Variants in MAP4K3 observed in about 807,000 individuals in gnomAD.
MAP4K3 encodes mitogen-activated protein kinase kinase kinase kinase 3.
MAP4K3 carries 94 observed loss-of-function variants against 143.5 expected under a neutral mutation model. The observed-to-expected ratio is 0.65, with a 90% confidence interval of 0.55 to 0.78. The LOEUF is 0.78. Ranked by LOEUF, MAP4K3 falls within the 30% of genes least tolerant of loss-of-function variation. The pLI is 0.00. For synonymous variants in MAP4K3, 416 were observed against 347.2 expected, an observed-to-expected ratio of 1.20 and a Z score of -2.20; for missense variants, 1,077 against 1,068.1, an observed-to-expected ratio of 1.01 and a Z score of -0.12.
intron 1 of MAP4K3, among the ~76,000 whole-genome samples, chr2:39,412,053 G>C (rs1014656636): frequency 1.3e-5 from 2 of 152,230 alleles, no homozygotes; most frequent in African/African-American, 4.8e-5. Context: ...AGTGTGTTCT[G>C]TGGAATTGGA....
chr2:39,310,746 G>A (rs891282559), intron 13 of MAP4K3, among the ~76,000 whole-genome samples: 2 of 152,110 alleles, frequency 1.3e-5, no homozygotes, highest in East Asian at 1.9e-4. Context: ...TCACCAGCAT[G>A]TGTTATTTTT....
intron 31 of MAP4K3, among the ~76,000 whole-genome samples, chr2:39,257,796 C>CAAAAAA (rs1285158564): frequency 3.4e-5 from 2 of 59,666 alleles, no homozygotes; most frequent in Non-Finnish European, 7.3e-5. Context: ...CACTCCATCT[C>CAAAAAA]AAAAAAAAAA....
chr2:39,311,877 A>T (rs1186142067), intron 13 of MAP4K3, among the ~76,000 whole-genome samples: 1 of 152,246 alleles, frequency 6.6e-6, no homozygotes, highest in East Asian at 1.9e-4. Flanking sequence ...AGATATACAG[A>T]AAGTGAGAGA....
intron 2 of MAP4K3, among the ~76,000 whole-genome samples, chr2:39,360,379 G>C (rs1051751413): frequency 6.6e-6 from 1 of 152,142 alleles, no homozygotes; most frequent in Non-Finnish European, 1.5e-5. Flanking sequence ...AGTTCCAAAT[G>C]TTCCCACATC....
At chr2:39,251,337 C>G (rs1313269637) in intron 33 of MAP4K3, among the ~76,000 whole-genome samples, 1 of 152,246 alleles carries the variant, frequency 6.6e-6, no homozygotes, top group East Asian at 1.9e-4. Flanking sequence ...ATAAACTCCT[C>G]TACATTCCTA....
chr2:39,315,734 T>G (rs558305170), intron 12 of MAP4K3, among the ~76,000 whole-genome samples: 1 of 152,264 alleles, frequency 6.6e-6, no homozygotes, highest in South Asian at 2.1e-4. Context: ...TCAAGTACAC[T>G]TGAGTATCCT....
At chr2:39,399,363 T>C (rs1184782910) in intron 1 of MAP4K3, among the ~76,000 whole-genome samples, 3 of 152,190 alleles carry the variant, frequency 2.0e-5, no homozygotes, top group Non-Finnish European at 4.4e-5. Flanking sequence ...ATGCTAAAAC[T>C]GGTAGGCTTA....
At chr2:39,340,578 C>G (rs140920156) in intron 4 of MAP4K3, among the ~76,000 whole-genome samples, 55 of 152,204 alleles carry the variant, frequency 3.6e-4, no homozygotes, top group African/African-American at 1.2e-3. Context: ...ATTTCTGTAA[C>G]GAAACTGGTC....
intron 1 of MAP4K3, among the ~76,000 whole-genome samples, chr2:39,395,989 TA>T (rs1666794271): frequency 6.6e-6 from 1 of 152,150 alleles, no homozygotes; most frequent in Non-Finnish European, 1.5e-5. Flanking sequence ...AATATTAAAA[TA>T]TCAGGAAAAG....
At chr2:39,267,297 T>C in intron 26 of MAP4K3, 50 bp from the exon 27 acceptor site, 1 of 1,405,572 alleles carries the variant, frequency 7.1e-7, no homozygotes, top group Non-Finnish European at 1.0e-6. Context: ...AAACTTAGTA[T>C]ATGAAAAAGC....
intron 24 of MAP4K3, among the ~76,000 whole-genome samples, chr2:39,274,517 A>G (rs1345914734): frequency 6.6e-6 from 1 of 152,030 alleles, no homozygotes; most frequent in Non-Finnish European, 1.5e-5. Flanking sequence ...ATCGCGCCTG[A>G]CCCTGAATTT....
At chr2:39,356,077 G>A (rs545702285) in intron 3 of MAP4K3, 172 bp downstream of exon 3, 17 of 513,146 alleles carry the variant, frequency 3.3e-5, no homozygotes, top group Admixed American at 1.9e-4. Context: ...CTGCAATATT[G>A]GTTACAGAAT....
At chr2:39,295,966 G>A (rs759655705) in intron 16 of MAP4K3, among the ~76,000 whole-genome samples, 6 of 152,050 alleles carry the variant, frequency 3.9e-5, no homozygotes, top group Non-Finnish European at 7.4e-5. Flanking sequence ...TGATCCACCC[G>A]CCTTGGCTTC....
At chr2:39,402,771 C>T (rs1666983339) in intron 1 of MAP4K3, among the ~76,000 whole-genome samples, 2 of 149,492 alleles carry the variant, frequency 1.3e-5, no homozygotes, top group Non-Finnish European at 3.0e-5. Context: ...AAACTTCTAG[C>T]CAAACCAATC....
chr2:39,360,170 T>C (rs1665725928), intron 2 of MAP4K3, among the ~76,000 whole-genome samples: 1 of 152,150 alleles, frequency 6.6e-6, no homozygotes, highest in Admixed American at 6.5e-5. Context: ...CCTAATCATC[T>C]CTCTCAAGTT....
chr2:39,273,685 A>C (rs926787524), intron 24 of MAP4K3, among the ~76,000 whole-genome samples: 1 of 152,224 alleles, frequency 6.6e-6, no homozygotes, highest in African/African-American at 2.4e-5. Context: ...ATTTTATTTC[A>C]TTTACTGGGA....
intron 26 of MAP4K3, chr2:39,271,790 T>A (rs989198941): frequency 6.5e-6 from 1 of 153,910 alleles, no homozygotes; most frequent in African/African-American, 2.4e-5. Context: ...AGAGATGAGG[T>A]CTTGCTATGT....
intron 22 of MAP4K3, among the ~76,000 whole-genome samples, chr2:39,280,582 G>GA (rs201015805): frequency 8.5e-5 from 12 of 141,170 alleles, no homozygotes; most frequent in Admixed American, 2.1e-4. Context: ...GGAAAAAAGA[G>GA]AAAAAAAAAA....
chr2:39,421,184 G>C (rs1361989078), intron 1 of MAP4K3, among the ~76,000 whole-genome samples: 1 of 151,994 alleles, frequency 6.6e-6, no homozygotes, highest in African/African-American at 2.4e-5. Flanking sequence ...ACCTCAAATT[G>C]CTTCCCTTAT....
Sources: allele counts gnomAD v4.1 joint callset (sites outside exome capture counted in the v4.1 genomes callset), GRCh38; gene constraint gnomAD v4.1.1; transcripts MANE v1.5; gene names NCBI Gene and HGNC (gene_info 2026-07-23, HGNC 2026-07-21).